Variants in CELF2 observed in about 807,000 individuals in gnomAD.
CELF2 encodes CUGBP Elav-like family member 2.
A neutral mutation model predicts 62.6 loss-of-function variants in CELF2; 8 were observed. The ratio of observed to expected loss-of-function variants is 0.13; its 90% CI spans 0.07 to 0.23. CELF2 has a LOEUF of 0.23. Among genes scored for constraint, CELF2 ranks in the 10% least tolerant of loss-of-function variants. The pLI is 1.00. For missense variants in CELF2, 333 were observed against 671.0 expected (o/e 0.50, Z 5.56); for synonymous variants, 258 against 250.0 (o/e 1.03, Z -0.30).
intron 2 of CELF2, among the ~76,000 whole-genome samples, chr10:10,988,495 G>A (rs1325145592): frequency 3.9e-5 from 6 of 152,020 alleles, no homozygotes; most frequent in Non-Finnish European, 7.4e-5. Flanking sequence ...ATGATATAAT[G>A]GACTTTGAGG....
the CELF2 span, among the ~76,000 whole-genome samples, chr10:10,466,309 T>G: frequency 6.6e-6 from 1 of 152,196 alleles, no homozygotes; most frequent in Non-Finnish European, 1.5e-5. Context: ...AATGGAATTA[T>G]GCAGTATGGA....
intron 9 of CELF2, among the ~76,000 whole-genome samples, chr10:11,308,108 T>C (rs1027321817): frequency 1.3e-5 from 2 of 152,282 alleles, no homozygotes; most frequent in African/African-American, 4.8e-5. Context: ...TACTAACTTC[T>C]CATCCATTGT....
rs543020843 is a variant in CELF2, at chr10:11,217,701, C to T, written c.354+194C>T. Among the ~76,000 whole-genome samples the T allele has an allele frequency of 4.6e-5, 7 of 152,234 alleles. No homozygotes were observed. Among genetic ancestry groups the T allele is most frequent in the Non-Finnish European group, 5.9e-5 (4 of 68,024 alleles). Reference sequence around the variant, plus strand: ...AAAGGAGCGCTGGCATTAACACTGACGGGAAGCATTCTCAAATAGTGCATC... The same window carrying T: ...AAAGGAGCGCTGGCATTAACACTGATGGGAAGCATTCTCAAATAGTGCATC... On this transcript the variant is annotated intron_variant, in intron 3 of 12. Transcript: ENST00000633077. The surrounding 1 kb of genome is among the most constrained non-coding windows in gnomAD (Gnocchi z 5.6).
chr10:10,534,123 A>G, the CELF2 span, among the ~76,000 whole-genome samples: 1 of 152,084 alleles, frequency 6.6e-6, no homozygotes, highest in African/African-American at 2.4e-5. Flanking sequence ...AGGACTGGAA[A>G]AAAATAAAAG....
intron 1 of CELF2, among the ~76,000 whole-genome samples, chr10:11,140,989 C>G (rs1365337395): frequency 1.3e-5 from 2 of 152,194 alleles, no homozygotes; most frequent in African/African-American, 4.8e-5. Flanking sequence ...GCCCTCCAGC[C>G]TGCGTGACAG....
chr10:10,822,308 A>AT (rs1208380407), intron 1 of CELF2, among the ~76,000 whole-genome samples: 2 of 152,212 alleles, frequency 1.3e-5, no homozygotes, highest in African/African-American at 4.8e-5. Flanking sequence ...GTACAAATGT[A>AT]TTAATAGACA....
the CELF2 span, among the ~76,000 whole-genome samples, chr10:10,735,585 A>G: frequency 6.6e-6 from 1 of 152,252 alleles, no homozygotes; most frequent in Non-Finnish European, 1.5e-5. Flanking sequence ...AGTTGAAGAC[A>G]GATGAATATC....
chr10:10,720,082 G>A, the CELF2 span, among the ~76,000 whole-genome samples: 1 of 152,310 alleles, frequency 6.6e-6, no homozygotes, highest in African/African-American at 2.4e-5. Context: ...TTCATGAGGA[G>A]AGGAAGGGCA....
In CELF2 at chr10:11,120,455, A is replaced by G. The variant is rs376869534; in HGVS notation, c.75-45031A>G. On this transcript the variant is annotated intron_variant, in intron 1 of 12. Coordinates refer to ENST00000633077, the MANE Select transcript of CELF2 (RefSeq NM_001326342.2). ...ATTGTTGAATAACAGAAAATGAACC[A>G]AGAGAGCATAAGATTTCAAGCTTGC... 5.2e-3 allele frequency among the ~76,000 whole-genome samples: 796 copies of G among 152,310 alleles called. 10 individuals carry two copies. The highest frequency in any genetic ancestry group is 0.018 in the African/African-American group (753 of 41,554).
At chr10:11,254,872 TCTACCCCCTTTC>T (rs1316748870) in intron 4 of CELF2, among the ~76,000 whole-genome samples, 2 of 152,022 alleles carry the variant, frequency 1.3e-5, no homozygotes, top group Admixed American at 1.3e-4. Flanking sequence ...TTCTCCCTTT[TCTACCCCCTTTC>T]CATCCCATCT....
the CELF2 span, among the ~76,000 whole-genome samples, chr10:10,604,460 C>T: frequency 1.3e-5 from 2 of 152,128 alleles, no homozygotes; most frequent in African/African-American, 2.4e-5. Flanking sequence ...TGGTAGTAGT[C>T]GAAGTAATAA....
chr10:11,025,311 G>C (rs1441544558), intron 1 of CELF2, among the ~76,000 whole-genome samples: 1 of 151,384 alleles, frequency 6.6e-6, no homozygotes, highest in Non-Finnish European at 1.5e-5. Flanking sequence ...TCCCCACCCA[G>C]ATCTCATCTT....
Position 10,971,258 on chromosome 10 carries a change from CAGCTACTTTCTTTTTATACA to C in CELF2, c.89+51263_89+51282del, listed in dbSNP as rs1156603689. Among the ~76,000 whole-genome samples, 10 of 152,186 alleles carry C rather than the reference CAGCTACTTTCTTTTTATACA, an allele frequency of 6.6e-5. No individual in the cohort carries two copies. In the East Asian group the frequency reaches 1.9e-3, roughly 29 times the overall value. On this transcript the variant is annotated intron_variant, in intron 2 of 13. Transcript: ENST00000636488. Reference sequence around the variant, plus strand: ...TCTTGCTCCTCTGAGTTCTCATAGACAGCTACTTTCTTTTTATACAAGCACACCCCATATTCTGTCTTACT... The same window carrying C: ...TCTTGCTCCTCTGAGTTCTCATAGACAGCACACCCCATATTCTGTCTTACT...
At chr10:11,259,362 A>G (rs1474355065) in intron 5 of CELF2, among the ~76,000 whole-genome samples, 1 of 151,808 alleles carries the variant, frequency 6.6e-6, no homozygotes, top group African/African-American at 2.4e-5. Flanking sequence ...GGTAGTCTAC[A>G]GGAGAACTAG....
At chr10:10,856,429 G>A (rs1800363938) in intron 1 of CELF2, among the ~76,000 whole-genome samples, 1 of 152,052 alleles carries the variant, frequency 6.6e-6, no homozygotes, top group African/African-American at 2.4e-5. Flanking sequence ...AGAACAGAGA[G>A]ATCAAATATT....
At chr10:10,701,267 A>C in the CELF2 span, among the ~76,000 whole-genome samples, 1,354 of 152,364 alleles carry the variant, frequency 8.9e-3, 23 homozygotes, top group African/African-American at 0.031. Context: ...TTAGACAAAC[A>C]AAACCCAAAC....
At chr10:10,608,806 C>T in the CELF2 span, among the ~76,000 whole-genome samples, 3 of 152,122 alleles carry the variant, frequency 2.0e-5, no homozygotes, top group Non-Finnish European at 4.4e-5. Flanking sequence ...GGAATTCCTC[C>T]GTCGAGAGTA....
rs796725842 is a variant in CELF2, at chr10:11,268,433, G to A, written c.618+1756G>A. ...CCCCCAGTAATGCTCAGAGAGCCAC[G>A]GACAACCCACGGGAGACCATGTTCC... On this transcript the variant is annotated intron_variant, in intron 6 of 12. Transcript: ENST00000633077. This position sits in a 1 kb window ranked among gnomAD's most constrained non-coding sequence, Gnocchi z 4.7. Among the ~76,000 whole-genome samples, 2 of 152,142 alleles carry A rather than the reference G, an allele frequency of 1.3e-5. No individual in the cohort carries two copies. Among genetic ancestry groups the A allele is most frequent in the African/African-American group, 4.8e-5 (2 of 41,504 alleles).
In CELF2 at chr10:11,328,029, C is replaced by T. The variant is rs989106154; in HGVS notation, c.1439-897C>T. Among the ~76,000 whole-genome samples, 1 of 152,230 alleles carries T rather than the reference C, an allele frequency of 6.6e-6. No homozygotes were observed. The highest frequency in any genetic ancestry group is 2.4e-5 in the African/African-American group (1 of 41,450). ...CTGCCTCCCCCAGTGCTGGAACAGA[C>T]TCTGGGACCAAGATCCTCTTGTCAC... is the stretch of plus-strand genomic sequence containing the variant. On this transcript the variant is annotated intron_variant, in intron 12 of 12. Coordinates refer to ENST00000633077, the MANE Select transcript of CELF2 (RefSeq NM_001326342.2). The surrounding 1 kb of genome is among the most constrained non-coding windows in gnomAD (Gnocchi z 6.4).
Sources: allele counts gnomAD v4.1 joint callset (sites outside exome capture counted in the v4.1 genomes callset), GRCh38; gene constraint gnomAD v4.1.1; non-coding constraint Gnocchi (gnomAD v3.1); transcripts MANE v1.5; gene names NCBI Gene and HGNC (gene_info 2026-07-23, HGNC 2026-07-21).